ARHGEF12: variants seen among roughly 807,000 people sequenced by gnomAD.
The protein encoded by ARHGEF12 is KMT2A/ARHGEF12 fusion protein.
Under a neutral mutation model 211.2 loss-of-function variants are expected in ARHGEF12, and 66 were observed. The ratio of observed to expected loss-of-function variants is 0.31; its 90% CI spans 0.26 to 0.38. ARHGEF12 has a LOEUF of 0.38. ARHGEF12 is among the 10% of genes least tolerant of loss of function. The pLI is 1.00. For missense variants in ARHGEF12, 1,429 were observed against 1,869.5 expected (o/e 0.76, Z 4.34); for synonymous variants, 592 against 638.4 (o/e 0.93, Z 1.09).
chr11:120,465,086 A>G, intron 27 of ARHGEF12, 151 bp from the exon 28 acceptor site: 1 of 943,996 alleles, frequency 1.1e-6, no homozygotes, highest in Non-Finnish European at 1.6e-6. Context: ...GACCTTTTTA[A>G]TGGAGAACCA....
At chr11:120,414,753 T>C (rs949685294) in intron 4 of ARHGEF12, among the ~76,000 whole-genome samples, 2 of 152,190 alleles carry the variant, frequency 1.3e-5, no homozygotes, top group African/African-American at 4.8e-5. Context: ...AAAACGTGTT[T>C]ATTATTACTG....
chr11:120,457,908 A>G (rs1946414130), intron 24 of ARHGEF12, 152 bp downstream of exon 24: 1 of 1,137,364 alleles, frequency 8.8e-7, no homozygotes, highest in South Asian at 1.6e-5. Flanking sequence ...TGGTCATTCA[A>G]AAGCTGTATT....
At position 120,489,183 on chromosome 11, in the gene ARHGEF12, T is replaced by C. The variant is rs1947473653; in HGVS notation, c.*4106T>C. 4.4e-6 allele frequency: 1 copy of C among 227,586 alleles called. No individual in the cohort carries two copies. Among genetic ancestry groups the C allele is most frequent in the Non-Finnish European group, 8.7e-6 (1 of 114,390 alleles). The allele number at this position is 227,586 out of a possible 1,614,324, so 14.1% of individuals were successfully genotyped here. A position where few individuals can be genotyped will look rare whatever the true frequency, so the allele number is the denominator to read the frequency against. ...ATTAGAGCATCCCTAGCAACAAGGCTAAACCTTCATGACAGTGCTGGCAGG... is the reference window on the plus strand; with the variant it reads ...ATTAGAGCATCCCTAGCAACAAGGCCAAACCTTCATGACAGTGCTGGCAGG... On this transcript the variant is annotated 3_prime_UTR_variant, in exon 41 of 41. Coordinates refer to ENST00000397843, the MANE Select transcript of ARHGEF12 (RefSeq NM_015313.3).
At chr11:120,433,961 G>T (rs1015193394) in intron 11 of ARHGEF12, among the ~76,000 whole-genome samples, 1 of 151,778 alleles carries the variant, frequency 6.6e-6, no homozygotes, top group African/African-American at 2.4e-5. Flanking sequence ...CCATCTCAGG[G>T]GTGGGTAAAA....
chr11:120,448,900 T>TA, intron 20 of ARHGEF12: 1 of 443,148 alleles, frequency 2.3e-6, no homozygotes, highest in South Asian at 5.4e-5. Context: ...CTGTCAGTGA[T>TA]AAAGAGTTTG....
chr11:120,442,201 C>G lies in ARHGEF12; in HGVS notation c.1301C>G (p.Ala434Gly), dbSNP rs1591596951. 1 of 1,599,832 alleles carries G rather than the reference C, an allele frequency of 6.3e-7. No homozygotes were observed. The highest frequency in any genetic ancestry group is 2.2e-5 in the East Asian group (1 of 44,700). ...EFHQFFLDRSAHLKVSVPDEM... is the reference protein window; with the variant it reads ...EFHQFFLDRSGHLKVSVPDEM... The stretch of plus-strand genomic sequence containing the variant: ...CATCAGTTCTTTCTAGATCGATCAG[C>G]AGTAAGTTGCCAAGTTAATGTTGTA... Residue 434 changes from alanine (A) to glycine (G), a missense_variant and splice_region_variant, in exon 15 of 41, where the codon GCA (alanine) becomes GGA (glycine). By Grantham distance (60) the Ala-to-Gly change is moderately conservative. Around this residue, in one of 7 missense-constraint regions of ARHGEF12, gnomAD observed 373 missense variants for 467.5 expected, o/e 0.80. Coordinates refer to ENST00000397843, the MANE Select transcript of ARHGEF12 (RefSeq NM_015313.3).
intron 30 of ARHGEF12, 29 bp from the exon 31 acceptor site, chr11:120,473,021 A>C: frequency 6.2e-7 from 1 of 1,603,136 alleles, no homozygotes; most frequent in Non-Finnish European, 8.5e-7. Flanking sequence ...CAAAGCACTA[A>C]CCTTGGTTCC....
In ARHGEF12 at chr11:120,442,117, A is replaced by G. The variant is rs1264280773; in HGVS notation, c.1217A>G (p.Tyr406Cys). Residue 406 changes from tyrosine to cysteine, a missense_variant, in exon 15 of 41, where the codon TAT becomes TGT. This residue lies in a region of ARHGEF12 where 373 missense variants were observed against 467.5 expected (regional missense o/e 0.80). Transcript: ENST00000397843. ...FDPATLLCYL[Y>C]SDLYKHTNSK... is the part of the protein sequence containing the mutation. ...TCTCCACTACAGCTCTGTTATCTCT[A>G]TTCAGACCTGTATAAACATACCAAT... 1 of 1,605,534 alleles carries G rather than the reference A, an allele frequency of 6.2e-7. No individual in the cohort carries two copies. The highest frequency in any genetic ancestry group is 8.5e-7 in the Non-Finnish European group (1 of 1,175,834).
chr11:120,417,438 A>AAAT (rs1167235357), intron 4 of ARHGEF12, among the ~76,000 whole-genome samples: 7 of 152,170 alleles, frequency 4.6e-5, no homozygotes, highest in African/African-American at 1.7e-4. Flanking sequence ...GGAGGTTGTG[A>AAAT]AATATTTGTT....
chr11:120,432,718 T>TA (rs1298153349), intron 11 of ARHGEF12, among the ~76,000 whole-genome samples: 2 of 152,228 alleles, frequency 1.3e-5, no homozygotes, highest in Non-Finnish European at 2.9e-5. Flanking sequence ...GGACTTTTGT[T>TA]ACATATACAC....
At chr11:120,465,160 GGT>G in intron 27 of ARHGEF12, 75 bp from the exon 28 acceptor site, 1 of 1,564,038 alleles carries the variant, frequency 6.4e-7, no homozygotes, top group South Asian at 1.1e-5. Context: ...AAAGGATTCT[GGT>G]TGTCTGTCAC....
At chr11:120,340,615 A>T (rs1437816472) in intron 1 of ARHGEF12, among the ~76,000 whole-genome samples, 1 of 152,182 alleles carries the variant, frequency 6.6e-6, no homozygotes, top group Non-Finnish European at 1.5e-5. Context: ...ATTAAAAAAA[A>T]AAGAGCTACT....
intron 1 of ARHGEF12, among the ~76,000 whole-genome samples, chr11:120,361,475 C>T (rs1446632764): frequency 6.6e-6 from 1 of 152,188 alleles, no homozygotes; most frequent in African/African-American, 2.4e-5. Context: ...AGGTTGGGGT[C>T]TGCTCATCTA....
chr11:120,397,365 A>C (rs1944422767), intron 1 of ARHGEF12, among the ~76,000 whole-genome samples: 1 of 152,140 alleles, frequency 6.6e-6, no homozygotes, highest in Admixed American at 6.5e-5. Flanking sequence ...TTTTCTGTTT[A>C]CCTAGTACCC....
chr11:120,421,769 G>T, intron 5 of ARHGEF12, 34 bp from the exon 6 acceptor site: 1 of 1,590,408 alleles, frequency 6.3e-7, no homozygotes. Flanking sequence ...AAATGCAAAT[G>T]AATCACATTT....
At position 120,489,649 on chromosome 11, in the gene ARHGEF12, CA is replaced by C. The variant is rs1391335266; in HGVS notation, c.*4574del. ...GATAATATTTTAGTTTTCAGTCATTCAAGGGCACATTTGGCTGACGGAGCTA... is the reference window on the plus strand; with the variant it reads ...GATAATATTTTAGTTTTCAGTCATTCAGGGCACATTTGGCTGACGGAGCTA... On this transcript the variant is annotated 3_prime_UTR_variant, in exon 41 of 41. Coordinates refer to ENST00000397843, the MANE Select transcript of ARHGEF12 (RefSeq NM_015313.3). 9.4e-6 allele frequency: 2 copies of C among 212,102 alleles called. No homozygotes were observed. The highest frequency in any genetic ancestry group is 1.2e-4 in the Admixed American group (2 of 17,100). The allele number at this position is 212,102 out of a possible 1,614,324, so 13.1% of individuals were successfully genotyped here.
intron 39 of ARHGEF12, among the ~76,000 whole-genome samples, chr11:120,483,050 A>C (rs776760958): frequency 7.9e-5 from 12 of 152,172 alleles, no homozygotes; most frequent in Non-Finnish European, 1.6e-4. Flanking sequence ...TGAGAAATTC[A>C]TCATTAGGCA....
chr11:120,435,785 G>A (rs1217488392), intron 11 of ARHGEF12, among the ~76,000 whole-genome samples: 9 of 151,892 alleles, frequency 5.9e-5, no homozygotes, highest in Admixed American at 5.9e-4. Flanking sequence ...CAAAGTGCTG[G>A]GATTACAGGT....
chr11:120,437,825 A>G (rs1373970213), intron 12 of ARHGEF12, among the ~76,000 whole-genome samples: 1 of 152,156 alleles, frequency 6.6e-6, no homozygotes, highest in African/African-American at 2.4e-5. Context: ...GAATGATACA[A>G]TGTTTATCCG....
Sources: gnomAD v4.1 joint callset for allele counts (sites outside exome capture counted in the v4.1 genomes callset) on GRCh38, gnomAD v4.1.1 for gene constraint, gnomAD v4.1.1 regional missense constraint, MANE v1.5 for transcripts, NCBI Gene and HGNC (gene_info 2026-07-23, HGNC 2026-07-21) for gene names.